TFEC: variants seen among roughly 807,000 people sequenced by gnomAD.
TFEC encodes class E basic helix-loop-helix protein 34.
Under a neutral mutation model 41.6 loss-of-function variants are expected in TFEC, and 31 were observed. That is an observed-to-expected ratio of 0.74 (90% CI 0.56 to 1.01). The LOEUF (loss-of-function observed/expected upper bound fraction) is 1.01. Among genes scored for constraint, TFEC ranks in the 50% least tolerant of loss-of-function variants. TFEC has a pLI of 0.00. For synonymous variants in TFEC, 143 were observed against 140.6 expected (o/e 1.02, Z -0.12); for missense variants, 402 against 404.1 (o/e 0.99, Z 0.04).
chr7:115,971,535 A>G (rs1282905279), intron 3 of TFEC, among the ~76,000 whole-genome samples: 2 of 151,898 alleles, frequency 1.3e-5, no homozygotes, highest in Non-Finnish European at 2.9e-5. Flanking sequence ...AAGCCCCATA[A>G]ATCATGGAGA....
intron 3 of TFEC, among the ~76,000 whole-genome samples, chr7:116,069,234 A>C (rs1012684586): frequency 2.6e-5 from 4 of 151,624 alleles, no homozygotes; most frequent in Non-Finnish European, 5.9e-5. Context: ...AGGAGACATA[A>C]ACAATATGAT....
At chr7:116,018,758 C>T (rs1318420364) in intron 1 of TFEC, among the ~76,000 whole-genome samples, 1 of 152,060 alleles carries the variant, frequency 6.6e-6, no homozygotes, top group Non-Finnish European at 1.5e-5. Context: ...TGAAATGTAC[C>T]AAATATACCA....
At chr7:116,122,978 G>A (rs1798138206) in intron 1 of TFEC, among the ~76,000 whole-genome samples, 1 of 151,968 alleles carries the variant, frequency 6.6e-6, no homozygotes, top group Non-Finnish European at 1.5e-5. Context: ...TGAGAACTGA[G>A]ATCTACATTT....
intron 3 of TFEC, among the ~76,000 whole-genome samples, chr7:116,091,989 T>TA (rs1187322326): frequency 6.6e-6 from 1 of 152,180 alleles, no homozygotes; most frequent in African/African-American, 2.4e-5. Context: ...ATGCCAACTT[T>TA]AGCCCAGAGC....
chr7:116,045,202 G>A (rs185719751), intron 3 of TFEC, among the ~76,000 whole-genome samples: 1 of 152,348 alleles, frequency 6.6e-6, no homozygotes, highest in East Asian at 1.9e-4. Context: ...TAACAATATG[G>A]ACAATAAGGT....
intron 3 of TFEC, among the ~76,000 whole-genome samples, chr7:116,039,394 G>A (rs1190409846): frequency 1.3e-5 from 2 of 150,234 alleles, no homozygotes; most frequent in South Asian, 2.1e-4. Context: ...CATGATTTGG[G>A]GATAAAAACT....
chr7:116,137,460 TG>T (rs1798454345), intron 1 of TFEC, among the ~76,000 whole-genome samples: 1 of 152,156 alleles, frequency 6.6e-6, no homozygotes, highest in South Asian at 2.1e-4. Context: ...GACTTGGATG[TG>T]AGTATAGGCC....
At chr7:116,037,582 A>T (rs532132712) in intron 3 of TFEC, among the ~76,000 whole-genome samples, 7 of 152,116 alleles carry the variant, frequency 4.6e-5, no homozygotes, top group Admixed American at 3.3e-4. Flanking sequence ...AGAAATTAGG[A>T]AGTGAAAGTT....
chr7:116,113,326 G>C (rs193020239), intron 1 of TFEC, among the ~76,000 whole-genome samples: 18 of 152,034 alleles, frequency 1.2e-4, no homozygotes, highest in African/African-American at 4.1e-4. Context: ...GAGGGGAAGA[G>C]ACACAGAGAA....
intron 1 of TFEC, among the ~76,000 whole-genome samples, chr7:116,013,752 T>C (rs1337460981): frequency 6.6e-6 from 1 of 152,160 alleles, no homozygotes; most frequent in Admixed American, 6.6e-5. Flanking sequence ...ATGTGTTCTA[T>C]ATAAACAAAC....
chr7:116,084,466 G>A (rs1044226785), intron 3 of TFEC, among the ~76,000 whole-genome samples: 4 of 151,676 alleles, frequency 2.6e-5, no homozygotes, highest in African/African-American at 2.4e-5. Flanking sequence ...CACTGAGTCC[G>A]AGCTCGTTCT....
At chr7:116,060,397 A>G (rs1260060486) in intron 3 of TFEC, among the ~76,000 whole-genome samples, 2 of 152,150 alleles carry the variant, frequency 1.3e-5, no homozygotes, top group Non-Finnish European at 2.9e-5. Flanking sequence ...ATTCTACCAT[A>G]AAGACCCACG....
intron 2 of TFEC, among the ~76,000 whole-genome samples, chr7:115,981,405 C>G (rs1430979823): frequency 6.6e-6 from 1 of 151,892 alleles, no homozygotes; most frequent in East Asian, 1.9e-4. Context: ...TCAAATTATA[C>G]CACATTACTT....
intron 4 of TFEC, among the ~76,000 whole-genome samples, chr7:115,956,175 A>T (rs1792214313): frequency 6.6e-6 from 1 of 151,998 alleles, no homozygotes; most frequent in Non-Finnish European, 1.5e-5. Context: ...AACTATTGAA[A>T]ACTCAGGGTT....
intron 1 of TFEC, among the ~76,000 whole-genome samples, chr7:116,151,321 C>T (rs1798756481): frequency 6.7e-6 from 1 of 148,540 alleles, no homozygotes; most frequent in East Asian, 2.0e-4. Context: ...CAGCTCACTG[C>T]AACCTCTGCC....
chr7:116,042,323 T>G (rs1796057830), intron 3 of TFEC, among the ~76,000 whole-genome samples: 1 of 152,120 alleles, frequency 6.6e-6, no homozygotes, highest in African/African-American at 2.4e-5. Flanking sequence ...AGAAAACAAC[T>G]AAATGGGTTA....
intron 1 of TFEC, among the ~76,000 whole-genome samples, chr7:116,126,936 T>C (rs1798222947): frequency 6.8e-6 from 1 of 146,550 alleles, no homozygotes; most frequent in Non-Finnish European, 1.6e-5. Context: ...CAAAATAAAT[T>C]AAATAAATAA....
intron 6 of TFEC, 60 bp downstream of exon 6, chr7:115,950,814 C>A: frequency 7.7e-7 from 1 of 1,302,378 alleles, no homozygotes; most frequent in South Asian, 1.4e-5. Flanking sequence ...TTCTTCCCTC[C>A]CATTCATTTT....
intron 4 of TFEC, 44 bp downstream of exon 4, chr7:115,956,635 C>A: frequency 7.1e-7 from 1 of 1,410,190 alleles, no homozygotes; most frequent in South Asian, 1.2e-5. Context: ...TAACTTATGT[C>A]ATTAATAAAA....
Sources: allele counts gnomAD v4.1 joint callset (sites outside exome capture counted in the v4.1 genomes callset), GRCh38; gene constraint gnomAD v4.1.1; transcripts MANE v1.5; gene names NCBI Gene and HGNC (gene_info 2026-07-23, HGNC 2026-07-21).